CACNA1C: variants seen among roughly 807,000 people sequenced by gnomAD.
CACNA1C encodes the protein voltage-dependent L-type calcium channel subunit alpha-1C.
A neutral mutation model predicts 229.0 loss-of-function variants in CACNA1C; 30 were observed. The ratio of observed to expected loss-of-function variants is 0.13; its 90% CI spans 0.10 to 0.18. The LOEUF is 0.18. Ranked by LOEUF, CACNA1C falls within the 10% of genes least tolerant of loss-of-function variation. The pLI is 1.00. For missense variants in CACNA1C, 1,658 were observed against 2,845.0 expected (o/e 0.58, Z 9.49); for synonymous variants, 1,114 against 1,132.5 (o/e 0.98, Z 0.33).
chr12:2,511,705 G>A (rs563875804), intron 8 of CACNA1C, among the ~76,000 whole-genome samples: 3 of 152,126 alleles, frequency 2.0e-5, no homozygotes, highest in Non-Finnish European at 4.4e-5. Flanking sequence ...TTGCTTTGAG[G>A]GTTGAGAATT....
intron 9 of CACNA1C, among the ~76,000 whole-genome samples, chr12:2,524,836 G>A (rs1038599523): frequency 4.6e-5 from 7 of 152,192 alleles, no homozygotes; most frequent in Non-Finnish European, 1.0e-4. Flanking sequence ...GGGGACTGGC[G>A]AAGAGCAGCT....
At chr12:2,153,903 C>T (rs1018086649) in intron 3 of CACNA1C, among the ~76,000 whole-genome samples, 1 of 152,238 alleles carries the variant, frequency 6.6e-6, no homozygotes, top group African/African-American at 2.4e-5. Flanking sequence ...CACAGGGTCT[C>T]ACCAAGTGCC....
chr12:2,167,097 T>C (rs1338450993), intron 3 of CACNA1C, among the ~76,000 whole-genome samples: 1 of 152,246 alleles, frequency 6.6e-6, no homozygotes, highest in African/African-American at 2.4e-5. Context: ...AAACCTGTGC[T>C]GTTGATTGAT....
At chr12:2,390,616 AG>A (rs1266143334) in intron 3 of CACNA1C, among the ~76,000 whole-genome samples, 1 of 152,154 alleles carries the variant, frequency 6.6e-6, no homozygotes, top group Non-Finnish European at 1.5e-5. Flanking sequence ...ATGAGTTTGG[AG>A]GGGTTCGAGA....
intron 3 of CACNA1C, among the ~76,000 whole-genome samples, chr12:2,146,851 C>G (rs184754178): frequency 6.7e-6 from 1 of 150,266 alleles, no homozygotes; most frequent in East Asian, 1.9e-4. Context: ...AGGTGAATGT[C>G]TAAGGGTGGA....
At position 2,353,172 on chromosome 12, in the gene CACNA1C, G is replaced by A. The variant is rs566167113; in HGVS notation, c.478-95804G>A. On this transcript the variant is annotated intron_variant, in intron 3 of 46. Coordinates refer to ENST00000399655, the MANE Select transcript of CACNA1C (RefSeq NM_000719.7). ...ACGTCACTCTGGTTGGGATGCTGGG[G>A]GCTGTTGTCCTGGAGAAAGTGGCCT... 2.5e-4 allele frequency among the ~76,000 whole-genome samples: 38 copies of A among 152,296 alleles called. No individual in the cohort carries two copies. In the South Asian group the frequency reaches 3.7e-3, roughly 15 times the overall value.
chr12:2,608,854 G>C lies in CACNA1C; in HGVS notation c.3558+142G>C. On this transcript the variant is annotated intron_variant, in intron 27 of 46. Transcript: ENST00000399655. This position sits in a 1 kb window ranked among gnomAD's most constrained non-coding sequence, Gnocchi z 4.2. ...CTCTATTCCTCAACCAGAGTGGGCTGTCAGTCTTTTTGAGGGACCTGTGCA... is the reference window on the plus strand; with the variant it reads ...CTCTATTCCTCAACCAGAGTGGGCTCTCAGTCTTTTTGAGGGACCTGTGCA... 1.2e-6 allele frequency: 1 copy of C among 809,046 alleles called. No homozygotes were observed. The highest frequency in any genetic ancestry group is 1.9e-6 in the Non-Finnish European group (1 of 515,518). The allele number at this position is 809,046 out of a possible 1,614,324, so 50.1% of individuals were successfully genotyped here. A position where few individuals can be genotyped will look rare whatever the true frequency, so the allele number is the denominator to read the frequency against.
chr12:2,409,916 G>C (rs1463326867), intron 3 of CACNA1C, among the ~76,000 whole-genome samples: 1 of 152,220 alleles, frequency 6.6e-6, no homozygotes, highest in Non-Finnish European at 1.5e-5. Context: ...GTAGGGCTAG[G>C]AGGAAAATGG....
intron 3 of CACNA1C, among the ~76,000 whole-genome samples, chr12:2,332,584 A>G (rs1018492352): frequency 2.6e-5 from 4 of 152,242 alleles, no homozygotes; most frequent in African/African-American, 7.2e-5. Flanking sequence ...AAAAATGCAA[A>G]GACGTATGCA....
intron 1 of CACNA1C, chr12:2,004,634 T>A (rs924319676): frequency 3.4e-5 from 24 of 700,592 alleles, no homozygotes; most frequent in Non-Finnish European, 4.8e-5. Context: ...CCACTGAGGA[T>A]CGTTGCCACT....
chr12:2,631,610 C>T (rs1322600706), intron 29 of CACNA1C, among the ~76,000 whole-genome samples: 2 of 152,216 alleles, frequency 1.3e-5, no homozygotes, highest in African/African-American at 4.8e-5. Flanking sequence ...CTGCTCATAG[C>T]ATGTGACTTA....
intron 3 of CACNA1C, among the ~76,000 whole-genome samples, chr12:2,398,774 A>G (rs1567454416): frequency 6.6e-6 from 1 of 152,172 alleles, no homozygotes; most frequent in Non-Finnish European, 1.5e-5. Context: ...AGACAGCCCA[A>G]AGGAGGCAGC....
chr12:2,383,890 G>C (rs2098315001), intron 3 of CACNA1C, among the ~76,000 whole-genome samples: 5 of 152,240 alleles, frequency 3.3e-5, no homozygotes, highest in Admixed American at 3.3e-4. Flanking sequence ...CAGAAGAGCT[G>C]TTAATGAGCA....
chr12:2,386,272 G>A (rs112157160), intron 3 of CACNA1C, among the ~76,000 whole-genome samples: 18 of 152,210 alleles, frequency 1.2e-4, no homozygotes, highest in African/African-American at 4.1e-4. Flanking sequence ...CACTGGCTGC[G>A]GCTCAGGTAT....
At position 2,045,970 on chromosome 12, in the gene CACNA1C, T is replaced by G. The variant is rs867451499; in HGVS notation, c.140-69254T>G. Among the ~76,000 whole-genome samples the G allele has an allele frequency of 4.6e-5, 7 of 151,420 alleles. No homozygotes were observed. In the South Asian group the frequency reaches 1.0e-3, roughly 23 times the overall value. On this transcript the variant is annotated intron_variant, in intron 1 of 46. Coordinates refer to the CACNA1C transcript ENST00000682462. ...AGAAGGAGATCTGACTGCCAGAAGA[T>G]GAGGAGGCAAGGTGACCATGGAGAC...
rs1317074788 is a variant in CACNA1C, at chr12:2,488,230, C to T, written c.916+1968C>T. The stretch of plus-strand genomic sequence containing the variant: ...AAAGCAGTCCAAGAGTGTTTTCTGC[C>T]GGTGGTGGGCTCCTGCAAGGGCGGG... On this transcript the variant is annotated intron_variant, in intron 6 of 46. Coordinates refer to ENST00000399655, the MANE Select transcript of CACNA1C (RefSeq NM_000719.7). This position sits in a 1 kb window ranked among gnomAD's most constrained non-coding sequence, Gnocchi z 4.0. Among the ~76,000 whole-genome samples, 6 of 152,136 alleles carry T rather than the reference C, an allele frequency of 3.9e-5. No homozygotes were observed. Among genetic ancestry groups the T allele is most frequent in the African/African-American group, 9.7e-5 (4 of 41,430 alleles).
intron 38 of CACNA1C, among the ~76,000 whole-genome samples, chr12:2,670,319 G>A (rs2096490477): frequency 6.6e-6 from 1 of 152,108 alleles, no homozygotes; most frequent in East Asian, 1.9e-4. Context: ...TGGGAGGCTC[G>A]AATCCGAGTC....
At chr12:2,300,191 T>C (rs2094443787) in intron 3 of CACNA1C, among the ~76,000 whole-genome samples, 1 of 152,236 alleles carries the variant, frequency 6.6e-6, no homozygotes, top group Non-Finnish European at 1.5e-5. Context: ...CCTCAAGACC[T>C]GTTTGTTAAG....
chr12:1,994,226 C>A (rs985320346), intron 1 of CACNA1C, among the ~76,000 whole-genome samples: 1 of 152,120 alleles, frequency 6.6e-6, no homozygotes, highest in African/African-American at 2.4e-5. Context: ...AATGAAACAC[C>A]ACATACTTAC....
Sources: gnomAD v4.1 joint callset for allele counts (sites outside exome capture counted in the v4.1 genomes callset) on GRCh38, gnomAD v4.1.1 for gene constraint, Gnocchi (gnomAD v3.1) non-coding constraint, MANE v1.5 for transcripts, NCBI Gene and HGNC (gene_info 2026-07-23, HGNC 2026-07-21) for gene names.